The following STK3 variants were observed in gnomAD, a reference collection of about 807,000 sequenced individuals.
STK3 encodes the protein serine/threonine kinase 3.
STK3 carries 41 observed loss-of-function variants against 58.0 expected under a neutral mutation model. The observed-to-expected ratio is 0.71, with a 90% CI of 0.55 to 0.92. The LOEUF is 0.92. Ranked by LOEUF, STK3 falls within the 40% of genes least tolerant of loss-of-function variation. The pLI, the probability that STK3 is intolerant of heterozygous loss-of-function variation, is 0.00. For missense variants in STK3, 479 were observed against 602.7 expected, an observed-to-expected ratio of 0.79 and a Z score of 2.15; for synonymous variants, 170 against 191.0, an observed-to-expected ratio of 0.89 and a Z score of 0.91.
At chr8:98,494,870 G>C (rs1188368402) in intron 10 of STK3, among the ~76,000 whole-genome samples, 1 of 152,042 alleles carries the variant, frequency 6.6e-6, no homozygotes, top group Non-Finnish European at 1.5e-5. Context: ...GAAAAAACTG[G>C]AGAGACACCA....
rs754306840 is a variant in STK3 at position 98,428,474 on chromosome 8, C to T, written n.483+5653G>A. ...ACGCCTCCAAGTTCGATGGGCAGCC[C>T]CTCGGCAACTTCCGCAGGCAGCTGT... On this transcript the variant is annotated intron_variant and non_coding_transcript_variant, in intron 3 of 3. Transcript: ENST00000517832. The surrounding 1 kb of genome is among the most constrained non-coding windows in gnomAD (Gnocchi z 6.7). 11 of 1,614,142 alleles carry T rather than the reference C, an allele frequency of 6.8e-6. 1 individual carries two copies. In the South Asian group the frequency reaches 9.9e-5, roughly 15 times the overall value.
At chr8:98,378,875 C>G (rs917140595) in intron 2 of STK3, among the ~76,000 whole-genome samples, 1 of 152,180 alleles carries the variant, frequency 6.6e-6, no homozygotes, top group African/African-American at 2.4e-5. Context: ...GCTTTGGCCT[C>G]CTTGATCCCC....
In STK3 at chr8:98,679,286, C is replaced by T. The variant is rs138594397; in HGVS notation, c.684+27181G>A. 5.9e-5 allele frequency among the ~76,000 whole-genome samples: 9 copies of T among 152,266 alleles called. No homozygotes were observed. In the East Asian group the frequency reaches 1.7e-3, roughly 29 times the overall value. On this transcript the variant is annotated intron_variant, in intron 6 of 10. Coordinates refer to ENST00000419617, the MANE Select transcript of STK3 (RefSeq NM_006281.4). ...GCTCTATGATCTGGACCAGGAATCA[C>T]CATGCACACTCCCACTTCAGCACCA...
rs200556218 is a variant in STK3 at position 98,903,556 on chromosome 8, C to CTTCTTCTTCCTCTTCTTCTT, written c.-78-19723_-78-19722insAAGAAGAAGAGGAAGAAGAA. 3.2e-3 allele frequency among the ~76,000 whole-genome samples: 164 copies of CTTCTTCTTCCTCTTCTTCTT among 50,518 alleles called. 5 individuals are homozygous for CTTCTTCTTCCTCTTCTTCTT. The highest frequency in any genetic ancestry group is 9.9e-3 in the African/African-American group (145 of 14,662). 33.1% of individuals were successfully genotyped at this position (50,518 alleles called of 152,430 possible). On this transcript the variant is annotated intron_variant, in intron 1 of 1. Coordinates refer to the STK3 transcript ENST00000519420. ...TCTTCTTCTTCTTCTTCTTCTTCTT[C>CTTCTTCTTCCTCTTCTTCTT]CTTTTTTTTTTTTTAAGTGGGGCCT...
At chr8:98,926,757 C>A (rs1167025118) in intron 1 of STK3, among the ~76,000 whole-genome samples, 2 of 152,086 alleles carry the variant, frequency 1.3e-5, no homozygotes, top group Non-Finnish European at 2.9e-5. Context: ...GGATTTGGGA[C>A]AACAAAAGAG....
chr8:98,930,233 G>A (rs1839958390), intron 1 of STK3, among the ~76,000 whole-genome samples: 2 of 152,188 alleles, frequency 1.3e-5, no homozygotes, highest in African/African-American at 4.8e-5. Context: ...GGGGGAATGG[G>A]AGGCCTACTG....
At chr8:98,462,292 T>C (rs1820053312) in intron 10 of STK3, among the ~76,000 whole-genome samples, 1 of 152,142 alleles carries the variant, frequency 6.6e-6, no homozygotes, top group South Asian at 2.1e-4. Context: ...AAAATGTCCA[T>C]CAAAATATGA....
At chr8:98,621,355 T>C (rs1190532138) in intron 6 of STK3, among the ~76,000 whole-genome samples, 4 of 152,176 alleles carry the variant, frequency 2.6e-5, no homozygotes, top group African/African-American at 9.7e-5. Context: ...CAAAAGGAGA[T>C]GGTTTCATTT....
intron 9 of STK3, among the ~76,000 whole-genome samples, chr8:98,547,340 T>G (rs1222409072): frequency 6.6e-6 from 1 of 152,190 alleles, no homozygotes; most frequent in Non-Finnish European, 1.5e-5. Flanking sequence ...AAAAGAGAAG[T>G]GCTAGTCTGT....
chr8:98,812,609 C>CGG (rs1284927247), intron 1 of STK3, among the ~76,000 whole-genome samples: 19 of 152,180 alleles, frequency 1.2e-4, no homozygotes, highest in Non-Finnish European at 4.4e-5. Flanking sequence ...TGGCACAATT[C>CGG]ACAATAGCGA....
intron 4 of STK3, among the ~76,000 whole-genome samples, chr8:98,747,455 T>C (rs1829715514): frequency 6.6e-6 from 1 of 152,184 alleles, no homozygotes; most frequent in Non-Finnish European, 1.5e-5. Context: ...ACTGTTAGAC[T>C]CGTCAAATTT....
intron 9 of STK3, among the ~76,000 whole-genome samples, chr8:98,543,249 G>A (rs1810435273): frequency 6.6e-6 from 1 of 152,112 alleles, no homozygotes; most frequent in Admixed American, 6.5e-5. Context: ...AGGATGAAGA[G>A]GGAATAGAAA....
intron 10 of STK3, among the ~76,000 whole-genome samples, chr8:98,490,565 A>G (rs1457578004): frequency 6.6e-6 from 1 of 152,138 alleles, no homozygotes; most frequent in African/African-American, 2.4e-5. Context: ...CCAATCCCTA[A>G]CTATACTGTA....
chr8:98,650,740 G>A (rs536804161), intron 6 of STK3, among the ~76,000 whole-genome samples: 1 of 152,210 alleles, frequency 6.6e-6, no homozygotes, highest in African/African-American at 2.4e-5. Flanking sequence ...CTGATTGCTA[G>A]GACAGCAGTC....
rs568569926 is a variant in STK3 at position 98,403,425 on chromosome 8, G to A, written n.484-1912C>T. Among the ~76,000 whole-genome samples the A allele has an allele frequency of 1.1e-4, 17 of 152,342 alleles. No homozygotes were observed. The East Asian group carries it at 2.9e-3, about 26-fold the overall frequency. On this transcript the variant is annotated intron_variant and non_coding_transcript_variant, in intron 3 of 3. Coordinates refer to the STK3 transcript ENST00000517832. ...CCAGGAAGCCCCAGCAGGGGAGCAGGTAAGGAAGGGAAGTAAGCCAATGAA... is the reference window on the plus strand; with the variant it reads ...CCAGGAAGCCCCAGCAGGGGAGCAGATAAGGAAGGGAAGTAAGCCAATGAA...
chr8:98,773,639 T>C (rs992739498), intron 2 of STK3, among the ~76,000 whole-genome samples: 2 of 152,122 alleles, frequency 1.3e-5, no homozygotes, highest in African/African-American at 4.8e-5. Context: ...TTTGTTTTAC[T>C]TGCATCTCCT....
intron 3 of STK3, chr8:98,431,654 A>G (rs913884398): frequency 6.0e-6 from 1 of 167,092 alleles, no homozygotes; most frequent in South Asian, 2.1e-4. Context: ...AGAATAACTC[A>G]GTCACTTTCA....
chr8:98,568,066 TA>T (rs1472558654), intron 8 of STK3, among the ~76,000 whole-genome samples: 5 of 59,230 alleles, frequency 8.4e-5, no homozygotes, highest in African/African-American at 2.6e-4. Flanking sequence ...AGATAGATGA[TA>T]GATAGATAGA....
chr8:98,705,512 T>C (rs976790815), intron 6 of STK3, among the ~76,000 whole-genome samples: 2 of 152,152 alleles, frequency 1.3e-5, no homozygotes. Flanking sequence ...ATTATCGAAA[T>C]TTAACCCACA....
Sources: gnomAD v4.1 joint callset for allele counts (sites outside exome capture counted in the v4.1 genomes callset) on GRCh38, gnomAD v4.1.1 for gene constraint, Gnocchi (gnomAD v3.1) non-coding constraint, MANE v1.5 for transcripts, NCBI Gene and HGNC (gene_info 2026-07-23, HGNC 2026-07-21) for gene names.